B3GALT1: variants seen among roughly 807,000 people sequenced by gnomAD.
B3GALT1 encodes the protein UDP-Gal:betaGlcNAc beta 1,3-galactosyltransferase, polypeptide 1.
In B3GALT1, 10 loss-of-function variants were observed where a neutral mutation model predicts 23.2. The observed-to-expected ratio is 0.43, with a 90% CI of 0.27 to 0.73. B3GALT1 has a LOEUF of 0.73. B3GALT1 is among the 30% of genes least tolerant of loss of function. The pLI, the probability that B3GALT1 is intolerant of heterozygous loss-of-function variation, is 0.21. For synonymous variants in B3GALT1, 156 were observed against 141.5 expected (o/e 1.10, Z -0.73); for missense variants, 299 against 405.4 (o/e 0.74, Z 2.25).
intron 2 of B3GALT1, among the ~76,000 whole-genome samples, chr2:167,600,806 A>G (rs1684864506): frequency 6.6e-6 from 1 of 152,190 alleles, no homozygotes; most frequent in Admixed American, 6.5e-5. Flanking sequence ...TAGTTGAAGG[A>G]CAGTTTGGAT....
chr2:167,385,419 G>T (rs1470903507), intron 1 of B3GALT1, among the ~76,000 whole-genome samples: 1 of 152,096 alleles, frequency 6.6e-6, no homozygotes, highest in African/African-American at 2.4e-5. Context: ...CCTCTCTTAG[G>T]TGAAATTGTA....
chr2:167,328,373 C>A (rs1364569852), intron 1 of B3GALT1, among the ~76,000 whole-genome samples: 1 of 152,126 alleles, frequency 6.6e-6, no homozygotes, highest in Non-Finnish European at 1.5e-5. Flanking sequence ...TGTTGCAAGA[C>A]TTTATTACTG....
At chr2:167,598,558 A>G (rs1040738555) in intron 2 of B3GALT1, among the ~76,000 whole-genome samples, 2 of 152,156 alleles carry the variant, frequency 1.3e-5, no homozygotes, top group African/African-American at 4.8e-5. Flanking sequence ...AGTATTTGGA[A>G]AATATTTCTA....
intron 1 of B3GALT1, among the ~76,000 whole-genome samples, chr2:167,395,030 T>G (rs917838432): frequency 7.9e-5 from 12 of 152,182 alleles, no homozygotes; most frequent in African/African-American, 2.9e-4. Context: ...ACCTAATTTA[T>G]ATGATTTAGA....
intron 4 of B3GALT1, among the ~76,000 whole-genome samples, chr2:167,844,754 C>G (rs770580787): frequency 6.6e-6 from 1 of 152,192 alleles, no homozygotes; most frequent in Admixed American, 6.5e-5. Flanking sequence ...CTGGCCAGAA[C>G]TCAGGGGAGG....
intron 1 of B3GALT1, among the ~76,000 whole-genome samples, chr2:167,313,497 G>T (rs1180590430): frequency 6.6e-6 from 1 of 152,106 alleles, no homozygotes; most frequent in Non-Finnish European, 1.5e-5. Flanking sequence ...GTCCAGGCTG[G>T]ACCTCCCAGT....
At chr2:167,792,795 G>C (rs1477955369) in intron 3 of B3GALT1, among the ~76,000 whole-genome samples, 1 of 151,904 alleles carries the variant, frequency 6.6e-6, no homozygotes, top group African/African-American at 2.4e-5. Context: ...AGGGAGGTCA[G>C]TTAGAAAATA....
At chr2:167,703,861 C>T (rs1686921370) in intron 3 of B3GALT1, among the ~76,000 whole-genome samples, 1 of 152,108 alleles carries the variant, frequency 6.6e-6, no homozygotes, top group African/African-American at 2.4e-5. Flanking sequence ...CAAAAGCACC[C>T]CATATGTCTT....
rs565162193 is a variant in B3GALT1, at chr2:167,781,989, C to T, written c.-351-36683C>T. The stretch of plus-strand genomic sequence containing the variant: ...AACTCCTGAGCTCAAGCGATCTGCC[C>T]GCCTCGCCCTCCCAAAGTGCTAGGA... On this transcript the variant is annotated intron_variant, in intron 3 of 4. Transcript: ENST00000392690. Among the ~76,000 whole-genome samples the T allele has an allele frequency of 8.5e-5, 13 of 152,208 alleles. No homozygotes were observed. In the East Asian group the frequency reaches 2.5e-3, roughly 29 times the overall value.
chr2:167,444,767 A>G (rs867751840), intron 1 of B3GALT1, among the ~76,000 whole-genome samples: 3 of 151,706 alleles, frequency 2.0e-5, no homozygotes, highest in Non-Finnish European at 4.4e-5. Context: ...TTTCTTCTTC[A>G]TTAGTCTTGC....
Position 167,374,260 on chromosome 2 carries a change from A to T in B3GALT1, c.-511+80926A>T, listed in dbSNP as rs117536036. On this transcript the variant is annotated intron_variant, in intron 1 of 4. Transcript: ENST00000392690. ...GTACCACATTGTCTTTATCCAGTCCACCACTGATGGACACCTACGTTGATT... is the reference window on the plus strand; with the variant it reads ...GTACCACATTGTCTTTATCCAGTCCTCCACTGATGGACACCTACGTTGATT... 7.5e-4 allele frequency among the ~76,000 whole-genome samples: 114 copies of T among 152,320 alleles called. 2 individuals carry two copies. In the East Asian group the frequency reaches 0.021, roughly 28 times the overall value.
At chr2:167,817,529 T>C (rs1318698817) in intron 3 of B3GALT1, among the ~76,000 whole-genome samples, 2 of 152,072 alleles carry the variant, frequency 1.3e-5, no homozygotes, top group Non-Finnish European at 2.9e-5. Flanking sequence ...ACCCATACAC[T>C]TACCCATCAC....
At chr2:167,605,070 T>A (rs1263422457) in intron 2 of B3GALT1, among the ~76,000 whole-genome samples, 1 of 152,198 alleles carries the variant, frequency 6.6e-6, no homozygotes, top group Non-Finnish European at 1.5e-5. Flanking sequence ...AAGTTTTCCT[T>A]CTTTTTGGCA....
chr2:167,512,267 C>T (rs1029772991), intron 2 of B3GALT1, among the ~76,000 whole-genome samples: 1 of 151,608 alleles, frequency 6.6e-6, no homozygotes, highest in Non-Finnish European at 1.5e-5. Context: ...TCAGTTATAG[C>T]ATATCTCTTA....
intron 2 of B3GALT1, among the ~76,000 whole-genome samples, chr2:167,510,266 T>A (rs1699985464): frequency 6.6e-6 from 1 of 152,200 alleles, no homozygotes; most frequent in South Asian, 2.1e-4. Flanking sequence ...CATGAGAGAT[T>A]AAGAAATATA....
chr2:167,441,182 C>T (rs546620275), intron 1 of B3GALT1, among the ~76,000 whole-genome samples: 1 of 152,234 alleles, frequency 6.6e-6, no homozygotes, highest in African/African-American at 2.4e-5. Flanking sequence ...ATTCAAGGTT[C>T]ATGAAGAGAT....
chr2:167,770,140 G>A (rs968479654), intron 3 of B3GALT1, among the ~76,000 whole-genome samples: 2 of 151,958 alleles, frequency 1.3e-5, no homozygotes, highest in African/African-American at 4.8e-5. Context: ...TGCGTCTCCC[G>A]CTGCCACCCA....
chr2:167,783,223 T>C (rs780235411), intron 3 of B3GALT1, among the ~76,000 whole-genome samples: 15 of 152,086 alleles, frequency 9.9e-5, no homozygotes, highest in Non-Finnish European at 2.1e-4. Flanking sequence ...AATGCCTCTT[T>C]CAATAAGGCT....
chr2:167,676,672 C>T (rs1326422468), intron 3 of B3GALT1, among the ~76,000 whole-genome samples: 3 of 152,066 alleles, frequency 2.0e-5, no homozygotes, highest in Non-Finnish European at 1.5e-5. Context: ...AATGATCCTC[C>T]TGTCCCAGCC....
Sources: gnomAD v4.1 joint callset for allele counts (sites outside exome capture counted in the v4.1 genomes callset) on GRCh38, gnomAD v4.1.1 for gene constraint, MANE v1.5 for transcripts, NCBI Gene and HGNC (gene_info 2026-07-23, HGNC 2026-07-21) for gene names.